Variants in FANCC observed in about 807,000 individuals in gnomAD.
The protein encoded by FANCC is FA complementation group C, also known as Fanconi anemia group C protein.
A neutral mutation model predicts 71.3 loss-of-function variants in FANCC; 55 were observed. The observed-to-expected ratio is 0.77, with a 90% CI of 0.62 to 0.97. FANCC has a LOEUF of 0.97. Among genes scored for constraint, FANCC ranks in the 50% least tolerant of loss-of-function variants. The probability of loss-of-function intolerance (pLI) is 0.00; values close to 1 mark genes in which losing one functional copy is unlikely to be tolerated. For missense variants in FANCC, 678 were observed against 670.9 expected (o/e 1.01, Z -0.12); for synonymous variants, 275 against 244.9 (o/e 1.12, Z -1.15).
At chr9:95,173,427 T>C (rs1213391088) in intron 4 of FANCC, among the ~76,000 whole-genome samples, 2 of 152,126 alleles carry the variant, frequency 1.3e-5, no homozygotes, top group African/African-American at 2.4e-5. Context: ...TTGAAAAAAA[T>C]ATATTAAATG....
intron 4 of FANCC, among the ~76,000 whole-genome samples, chr9:95,173,386 C>G (rs567989267): frequency 6.6e-6 from 1 of 151,976 alleles, no homozygotes; most frequent in East Asian, 1.9e-4. Context: ...CGATTACGGG[C>G]TAACAGAGGC....
At position 95,251,990 on chromosome 9, in the gene FANCC, T is replaced by C. The variant is rs142488696; in HGVS notation, c.-78-2621A>G. 4.7e-3 allele frequency among the ~76,000 whole-genome samples: 722 copies of C among 152,034 alleles called. 2 individuals are homozygous for C. Among genetic ancestry groups the C allele is most frequent in the South Asian group, 0.011 (52 of 4,812 alleles). ...AGTCTGTGTCCTTAAAGAAACAAAC[T>C]GAAGAGGCGGGGCACAGTGGCTCAC... On this transcript the variant is annotated intron_variant, in intron 1 of 14. Transcript: ENST00000289081.
At chr9:95,134,783 C>T (rs1564677684) in intron 8 of FANCC, among the ~76,000 whole-genome samples, 1 of 152,212 alleles carries the variant, frequency 6.6e-6, no homozygotes. Flanking sequence ...GGTGGATGTC[C>T]ACGTGGGCTG....
chr9:95,295,889 T>C (rs1194683785), intron 1 of FANCC, among the ~76,000 whole-genome samples: 1 of 152,132 alleles, frequency 6.6e-6, no homozygotes, highest in Non-Finnish European at 1.5e-5. Flanking sequence ...ATTTTGGAGA[T>C]CTACTATATT....
At chr9:95,167,839 T>C (rs774747005) in intron 6 of FANCC, among the ~76,000 whole-genome samples, 9 of 152,198 alleles carry the variant, frequency 5.9e-5, no homozygotes, top group Non-Finnish European at 1.3e-4. Flanking sequence ...TTTCTGTAGA[T>C]TTATTTTCAT....
At chr9:95,179,324 G>A (rs918982569) in intron 4 of FANCC, among the ~76,000 whole-genome samples, 1 of 152,134 alleles carries the variant, frequency 6.6e-6, no homozygotes, top group African/African-American at 2.4e-5. Context: ...ATTAAAATCT[G>A]GATTTAAAAT....
At chr9:95,117,257 T>C in intron 11 of FANCC, 58 bp downstream of exon 11, 2 of 1,498,840 alleles carry the variant, frequency 1.3e-6, no homozygotes, top group Non-Finnish European at 1.9e-6. Context: ...AGGTCATAAT[T>C]TGACAATGCT....
intron 1 of FANCC, among the ~76,000 whole-genome samples, chr9:95,304,698 C>G (rs1564843519): frequency 7.5e-6 from 1 of 133,600 alleles, no homozygotes; most frequent in Non-Finnish European, 1.5e-5. Context: ...TGCAGTGAGC[C>G]AAGATCGTGC....
chr9:95,256,855 G>T (rs1474980643), intron 1 of FANCC, among the ~76,000 whole-genome samples: 1 of 150,914 alleles, frequency 6.6e-6, no homozygotes, highest in Non-Finnish European at 1.5e-5. Context: ...CCAAGCAAAT[G>T]GAAAGAAAAA....
At chr9:95,202,470 C>T (rs750363556) in intron 4 of FANCC, among the ~76,000 whole-genome samples, 11 of 151,428 alleles carry the variant, frequency 7.3e-5, no homozygotes, top group Non-Finnish European at 1.2e-4. Context: ...GCCTCTAGAA[C>T]GAGGCAGCTT....
chr9:95,213,449 A>G (rs975130329), intron 4 of FANCC, among the ~76,000 whole-genome samples: 1 of 152,200 alleles, frequency 6.6e-6, no homozygotes, highest in Non-Finnish European at 1.5e-5. Flanking sequence ...CCAGGCAGAA[A>G]GACAGACATA....
intron 4 of FANCC, among the ~76,000 whole-genome samples, chr9:95,228,293 A>G (rs1245948558): frequency 6.6e-6 from 1 of 152,198 alleles, no homozygotes; most frequent in Non-Finnish European, 1.5e-5. Flanking sequence ...ATTAATTTAT[A>G]AACAAACTCA....
At position 95,172,087 on chromosome 9, in the gene FANCC, G is replaced by A. The variant is rs1407999116; in HGVS notation, c.406C>T (p.Gln136Ter). 6.2e-7 allele frequency: 1 copy of A among 1,613,266 alleles called. No individual in the cohort carries two copies. Among genetic ancestry groups the A allele is most frequent in the East Asian group, 2.2e-5 (1 of 44,800 alleles). ...RFDKEVALFTQGLGYAPIDYY... is the reference protein window; with the variant it reads ...RFDKEVALFT ...TCTATAGGTGCATACCCAAGACCTT[G>A]AGTGAAAAGAGCAACTTCTTTATCA... Residue 136 changes from glutamine to a stop codon, truncating the protein, a stop_gained, in exon 5 of 15, where the codon CAA becomes TAA. Coordinates refer to ENST00000289081, the MANE Select transcript of FANCC (RefSeq NM_000136.3). LOFTEE classifies it high-confidence loss of function.
intron 1 of FANCC, among the ~76,000 whole-genome samples, chr9:95,315,547 C>G (rs1052275007): frequency 2.0e-5 from 3 of 152,218 alleles, no homozygotes; most frequent in Non-Finnish European, 4.4e-5. Context: ...GCCTTTCCTT[C>G]TCCACTTCTG....
intron 13 of FANCC, 140 bp downstream of exon 13, chr9:95,111,323 C>T (rs2134540086): frequency 5.6e-6 from 9 of 1,596,090 alleles, no homozygotes; most frequent in African/African-American, 5.3e-5. Context: ...ACCATGCCTG[C>T]AGGTTGCCAT....
At chr9:95,168,265 T>C (rs1435637105) in intron 6 of FANCC, among the ~76,000 whole-genome samples, 1 of 152,070 alleles carries the variant, frequency 6.6e-6, no homozygotes, top group East Asian at 1.9e-4. Flanking sequence ...GCCAGAGGCT[T>C]CTCTTCCCCT....
At position 95,291,074 on chromosome 9, in the gene FANCC, T is replaced by G. The variant is rs535419555; in HGVS notation, c.-79+26452A>C. On this transcript the variant is annotated intron_variant, in intron 1 of 14. Transcript: ENST00000289081. ...GTCAACAAATTAGGTATAGAAGGAA[T>G]GTACATCAACACAAGGCCATCTGTG... Among the ~76,000 whole-genome samples, 6 of 152,188 alleles carry G rather than the reference T, an allele frequency of 3.9e-5. No individual in the cohort carries two copies. The East Asian group carries it at 1.2e-3, about 29-fold the overall frequency.
At chr9:95,199,216 T>C (rs1039998554) in intron 4 of FANCC, among the ~76,000 whole-genome samples, 42 of 152,096 alleles carry the variant, frequency 2.8e-4, no homozygotes, top group Non-Finnish European at 5.7e-4. Context: ...GACTGCACTC[T>C]GGCCAGTTTT....
intron 4 of FANCC, among the ~76,000 whole-genome samples, chr9:95,183,253 T>C (rs1286238809): frequency 3.3e-5 from 5 of 152,244 alleles, no homozygotes; most frequent in Non-Finnish European, 2.9e-5. Context: ...CTGTGGTTCC[T>C]CCCTTGTGTT....
Sources: gnomAD v4.1 joint callset for allele counts (sites outside exome capture counted in the v4.1 genomes callset) on GRCh38, gnomAD v4.1.1 for gene constraint, MANE v1.5 for transcripts, NCBI Gene and HGNC (gene_info 2026-07-23, HGNC 2026-07-21) for gene names.